BACH2: variants seen among roughly 807,000 people sequenced by gnomAD.
The protein encoded by BACH2 is BACH transcriptional regulator 2.
BACH2 carries 5 observed loss-of-function variants against 61.8 expected under a neutral mutation model. The observed-to-expected ratio is 0.08, with a 90% CI of 0.04 to 0.17. The LOEUF (loss-of-function observed/expected upper bound fraction) is 0.17. Ranked by LOEUF, BACH2 falls within the 10% of genes least tolerant of loss-of-function variation. BACH2 has a pLI of 1.00. For synonymous variants in BACH2, 446 were observed against 440.1 expected (o/e 1.01, Z -0.17); for missense variants, 824 against 1,091.1 (o/e 0.76, Z 3.45).
At chr6:89,994,099 T>C (rs1476742737) in intron 6 of BACH2, among the ~76,000 whole-genome samples, 2 of 152,216 alleles carry the variant, frequency 1.3e-5, no homozygotes, top group African/African-American at 2.4e-5. Flanking sequence ...ACATTTATAT[T>C]TGTTTGAAAA....
At chr6:89,956,824 T>C (rs767455385) in intron 6 of BACH2, among the ~76,000 whole-genome samples, 11 of 152,166 alleles carry the variant, frequency 7.2e-5, no homozygotes, top group Non-Finnish European at 5.9e-5. Flanking sequence ...GACTAAGGTG[T>C]CTCCAGTTGG....
At chr6:90,026,402 A>G (rs111250747) in intron 5 of BACH2, among the ~76,000 whole-genome samples, 41 of 152,336 alleles carry the variant, frequency 2.7e-4, no homozygotes, top group African/African-American at 8.2e-4. Flanking sequence ...GTCAGTGACA[A>G]TGCTGGGCTT....
chr6:90,149,361 A>G (rs1158497461), intron 4 of BACH2, among the ~76,000 whole-genome samples: 1 of 152,210 alleles, frequency 6.6e-6, no homozygotes, highest in Non-Finnish European at 1.5e-5. Context: ...AATAACTAGC[A>G]TTGGTCTCAG....
chr6:90,015,910 T>G (rs1320739251), intron 5 of BACH2, among the ~76,000 whole-genome samples: 1 of 152,248 alleles, frequency 6.6e-6, no homozygotes. Context: ...GTTATTGTAA[T>G]TCTATTAGTT....
At chr6:90,085,736 C>T (rs184059274) in intron 5 of BACH2, among the ~76,000 whole-genome samples, 8 of 152,264 alleles carry the variant, frequency 5.3e-5, no homozygotes, top group Admixed American at 6.5e-5. Context: ...GTTCTTCCTG[C>T]ACCCTCACAA....
chr6:90,145,743 T>C (rs1477697970), intron 4 of BACH2, among the ~76,000 whole-genome samples: 7 of 152,186 alleles, frequency 4.6e-5, no homozygotes, highest in African/African-American at 1.2e-4. Flanking sequence ...TCTGACGAAT[T>C]TGGACATCTT....
chr6:90,234,495 A>G (rs943497027), intron 3 of BACH2, among the ~76,000 whole-genome samples: 4 of 152,246 alleles, frequency 2.6e-5, no homozygotes, highest in Admixed American at 6.5e-5. Flanking sequence ...TGGTCTGCTC[A>G]CAGAGCTTCA....
chr6:90,019,348 A>C (rs1778254332), intron 5 of BACH2, among the ~76,000 whole-genome samples: 1 of 152,234 alleles, frequency 6.6e-6, no homozygotes, highest in Non-Finnish European at 1.5e-5. Context: ...GAAATGAAAG[A>C]AAATAAAAAG....
In BACH2 at chr6:90,007,851, AC is replaced by A. The variant is rs1420312752; in HGVS notation, c.243+750del. 2.0e-5 allele frequency among the ~76,000 whole-genome samples: 3 copies of A among 152,216 alleles called. No homozygotes were observed. In the South Asian group the frequency reaches 6.2e-4, roughly 32 times the overall value. ...ACACAGGGAATGATTCTGCCCGAACACAAAGTATTATCCTTAGTCCCATAGG... is the reference window on the plus strand; with the variant it reads ...ACACAGGGAATGATTCTGCCCGAACAAAAGTATTATCCTTAGTCCCATAGG... On this transcript the variant is annotated intron_variant, in intron 6 of 8. Transcript: ENST00000257749.
At chr6:90,195,211 C>G (rs1475410936) in intron 4 of BACH2, among the ~76,000 whole-genome samples, 1 of 151,988 alleles carries the variant, frequency 6.6e-6, no homozygotes, top group African/African-American at 2.4e-5. Context: ...ATCTCTTTTC[C>G]TCTCTCTCCT....
chr6:90,036,943 G>A (rs79176011), intron 5 of BACH2, among the ~76,000 whole-genome samples: 2,482 of 152,230 alleles, frequency 0.016, 72 homozygotes, highest in African/African-American at 0.055. Flanking sequence ...TAAAACAGTT[G>A]AATTTTGAAA....
At chr6:90,136,605 G>T (rs1784279154) in intron 4 of BACH2, among the ~76,000 whole-genome samples, 1 of 152,128 alleles carries the variant, frequency 6.6e-6, no homozygotes, top group Non-Finnish European at 1.5e-5. Context: ...GAACTGTTAG[G>T]AAGGAGAGGG....
At chr6:90,121,172 G>C (rs1003396312) in intron 4 of BACH2, among the ~76,000 whole-genome samples, 3 of 152,150 alleles carry the variant, frequency 2.0e-5, no homozygotes, top group Non-Finnish European at 4.4e-5. Context: ...ACCCAAACTC[G>C]AAGAAAAGGC....
chr6:89,994,877 T>C (rs1197493833), intron 6 of BACH2, among the ~76,000 whole-genome samples: 1 of 152,238 alleles, frequency 6.6e-6, no homozygotes, highest in East Asian at 1.9e-4. Context: ...GGTCACCCTG[T>C]TGATATTTTT....
chr6:90,093,060 T>C (rs1416133550), intron 4 of BACH2, among the ~76,000 whole-genome samples: 3 of 152,136 alleles, frequency 2.0e-5, no homozygotes, highest in Non-Finnish European at 4.4e-5. Flanking sequence ...GAGGGGAGGT[T>C]GGTGGAATCC....
chr6:90,264,665 G>A (rs1376336572), intron 2 of BACH2, among the ~76,000 whole-genome samples: 2 of 152,202 alleles, frequency 1.3e-5, no homozygotes, highest in African/African-American at 4.8e-5. Context: ...GACTCAATTT[G>A]CACATCCTGG....
chr6:90,125,435 G>C (rs1351592052), intron 4 of BACH2, among the ~76,000 whole-genome samples: 9 of 152,162 alleles, frequency 5.9e-5, no homozygotes, highest in Non-Finnish European at 1.3e-4. Flanking sequence ...AGGTTCTCAT[G>C]ATATGGATTA....
chr6:90,102,354 C>T (rs1782669786), intron 4 of BACH2, among the ~76,000 whole-genome samples: 1 of 152,090 alleles, frequency 6.6e-6, no homozygotes, highest in Non-Finnish European at 1.5e-5. Context: ...GGTTTCCAGC[C>T]TATCCCTAAA....
chr6:90,128,055 G>C (rs905890945), intron 4 of BACH2, among the ~76,000 whole-genome samples: 1 of 151,958 alleles, frequency 6.6e-6, no homozygotes, highest in Non-Finnish European at 1.5e-5. Flanking sequence ...CATTTCCCCA[G>C]CCATGGTCCA....
Sources: gnomAD v4.1 joint callset for allele counts (sites outside exome capture counted in the v4.1 genomes callset) on GRCh38, gnomAD v4.1.1 for gene constraint, MANE v1.5 for transcripts, NCBI Gene and HGNC (gene_info 2026-07-23, HGNC 2026-07-21) for gene names.